Variants in SLC9C1 observed in about 807,000 individuals in gnomAD.
SLC9C1 encodes the protein solute carrier family 9 member C1, also known as sodium/hydrogen exchanger 10.
In SLC9C1, 97 loss-of-function variants were observed where a neutral mutation model predicts 140.9. That is an observed-to-expected ratio of 0.69 (90% CI 0.58 to 0.82). The LOEUF is 0.82. Among genes scored for constraint, SLC9C1 ranks in the 40% least tolerant of loss-of-function variants. SLC9C1 has a pLI of 0.00. For synonymous variants in SLC9C1, 440 were observed against 442.6 expected, an observed-to-expected ratio of 0.99 and a Z score of 0.07; for missense variants, 1,340 against 1,389.3, an observed-to-expected ratio of 0.96 and a Z score of 0.56.
chr3:112,182,814 CATT>C (rs1250593373), intron 20 of SLC9C1, among the ~76,000 whole-genome samples: 2 of 152,182 alleles, frequency 1.3e-5, no homozygotes, highest in African/African-American at 4.8e-5. Context: ...CTTCTATCAT[CATT>C]GTTTAGCTTT....
At chr3:112,266,217 C>G in intron 8 of SLC9C1, 21 bp downstream of exon 8, 2 of 1,517,814 alleles carry the variant, frequency 1.3e-6, no homozygotes, top group Non-Finnish European at 1.8e-6. Context: ...GAAATAAAGT[C>G]AAAATATGCT....
chr3:112,218,758 C>CA (rs1212968320), intron 14 of SLC9C1, among the ~76,000 whole-genome samples: 2 of 151,892 alleles, frequency 1.3e-5, no homozygotes, highest in South Asian at 2.1e-4. Flanking sequence ...TCCCTGGACT[C>CA]AAAAAAATAA....
intron 15 of SLC9C1, 38 bp downstream of exon 15, chr3:112,217,401 TGAA>T: frequency 6.6e-7 from 1 of 1,511,954 alleles, no homozygotes; most frequent in South Asian, 1.4e-5. Flanking sequence ...GAATTTCAAG[TGAA>T]TATAATAGCA....
intron 20 of SLC9C1, chr3:112,186,057 C>T: frequency 8.3e-7 from 1 of 1,201,620 alleles, no homozygotes; most frequent in Non-Finnish European, 1.1e-6. Flanking sequence ...CTGCACAGTG[C>T]ACTTTCAAAT....
chr3:112,157,185 G>GT (rs536489515), intron 26 of SLC9C1, among the ~76,000 whole-genome samples: 2 of 151,694 alleles, frequency 1.3e-5, no homozygotes, highest in African/African-American at 2.4e-5. Context: ...ATTTTGAGTT[G>GT]TTTTTTTCTA....
In SLC9C1 at chr3:112,292,304, G is replaced by A. The variant is rs113273578; in HGVS notation, c.-88+1789C>T. ...ACATTAATAATAATAAAATTACCACGAATCCTGTTTACTCTTAAATTCAGA... is the reference window on the plus strand; with the variant it reads ...ACATTAATAATAATAAAATTACCACAAATCCTGTTTACTCTTAAATTCAGA... On this transcript the variant is annotated intron_variant, in intron 1 of 28. Coordinates refer to ENST00000305815, the MANE Select transcript of SLC9C1 (RefSeq NM_183061.3). 3.6e-3 allele frequency among the ~76,000 whole-genome samples: 545 copies of A among 152,128 alleles called. 2 individuals carry two copies. Among genetic ancestry groups the A allele is most frequent in the African/African-American group, 0.012 (504 of 41,494 alleles).
intron 13 of SLC9C1, among the ~76,000 whole-genome samples, chr3:112,226,347 A>G (rs1342674195): frequency 3.9e-5 from 6 of 152,186 alleles, no homozygotes; most frequent in Admixed American, 3.9e-4. Flanking sequence ...AAAAGTAGAA[A>G]CACAACATAT....
intron 12 of SLC9C1, among the ~76,000 whole-genome samples, chr3:112,234,353 G>A (rs762051937): frequency 7.2e-5 from 11 of 152,134 alleles, no homozygotes; most frequent in Non-Finnish European, 1.3e-4. Flanking sequence ...ATCTCTTTGA[G>A]TTCATTGTAG....
In SLC9C1 at chr3:112,177,700, A is replaced by T. The variant is rs186218510; in HGVS notation, c.2919+1831T>A. 3.8e-3 allele frequency among the ~76,000 whole-genome samples: 574 copies of T among 149,370 alleles called. 4 individuals carry two copies. Among genetic ancestry groups the T allele is most frequent in the Middle Eastern group, 0.014 (4 of 292 alleles). On this transcript the variant is annotated intron_variant, in intron 23 of 28. Transcript: ENST00000305815. ...CATGTACCCCTGTACCTAAAATAAA[A>T]GGATGAAAAAAATTTTTTTTCAAAA...
intron 28 of SLC9C1, among the ~76,000 whole-genome samples, chr3:112,148,184 G>T (rs1050419594): frequency 1.3e-5 from 2 of 151,910 alleles, no homozygotes; most frequent in African/African-American, 4.8e-5. Flanking sequence ...AGGTTTCTTT[G>T]TGTTGATTTC....
intron 26 of SLC9C1, among the ~76,000 whole-genome samples, chr3:112,159,356 A>G (rs370876909): frequency 2.0e-5 from 3 of 151,878 alleles, no homozygotes; most frequent in Non-Finnish European, 2.9e-5. Context: ...GTTTTATCCC[A>G]TTGGGGTCAG....
rs754620568 is a variant in SLC9C1, at chr3:112,169,028, T to C, written c.3086A>G (p.Asn1029Ser). The C allele has an allele frequency of 6.3e-7, 1 of 1,597,072 alleles. No homozygotes were observed. Among genetic ancestry groups the C allele is most frequent in the Middle Eastern group, 1.7e-4 (1 of 5,992 alleles). The change falls in exon 25 of 29, where the codon AAT becomes AGT. Residue 1029 changes from asparagine to serine, a missense_variant. By Grantham distance (46) the Asn-to-Ser change is conservative. Coordinates refer to ENST00000305815, the MANE Select transcript of SLC9C1 (RefSeq NM_183061.3). ...WNYNMQLKLS[N>S]IYVVDIPMST... ...CATTGGTATATCTACTACATAAATA[T>C]TAGAGAGCTTTAGTTGCATATTGTA... is the stretch of plus-strand genomic sequence containing the variant.
At chr3:112,192,145 AT>A (rs2077676420) in intron 20 of SLC9C1, among the ~76,000 whole-genome samples, 1 of 151,802 alleles carries the variant, frequency 6.6e-6, no homozygotes, top group African/African-American at 2.4e-5. Flanking sequence ...GGCTCCCTTC[AT>A]TTTCACTGGT....
chr3:112,185,578 C>T (rs1482619216), intron 20 of SLC9C1: 3 of 1,610,220 alleles, frequency 1.9e-6, no homozygotes, highest in Non-Finnish European at 2.5e-6. Flanking sequence ...GGCACCTGTG[C>T]CCGGGGTCCC....
chr3:112,165,697 A>G (rs555798414), intron 26 of SLC9C1, among the ~76,000 whole-genome samples: 2 of 152,282 alleles, frequency 1.3e-5, no homozygotes, highest in South Asian at 4.2e-4. Flanking sequence ...GGTGCCTCCC[A>G]GTTAGGCTAC....
intron 23 of SLC9C1, among the ~76,000 whole-genome samples, chr3:112,177,921 TAG>T (rs2077370564): frequency 6.6e-6 from 1 of 151,244 alleles, no homozygotes; most frequent in Non-Finnish European, 1.5e-5. Context: ...ATTTTAATGA[TAG>T]AGATATTTTA....
At position 112,215,645 on chromosome 3, in the gene SLC9C1, C is replaced by G. The variant is rs542541602; in HGVS notation, c.1790+1797G>C. Reference sequence around the variant, plus strand: ...ATGAAATACCTAGGAATCCAACTTACAAGGGATGTGAAGGACCTCTTCAAG... The same window carrying G: ...ATGAAATACCTAGGAATCCAACTTAGAAGGGATGTGAAGGACCTCTTCAAG... On this transcript the variant is annotated intron_variant, in intron 15 of 28. Coordinates refer to ENST00000305815, the MANE Select transcript of SLC9C1 (RefSeq NM_183061.3). 9.9e-5 allele frequency among the ~76,000 whole-genome samples: 15 copies of G among 152,214 alleles called. No individual in the cohort carries two copies. In the East Asian group the frequency reaches 2.3e-3, roughly 23 times the overall value.
intron 28 of SLC9C1, chr3:112,147,652 T>G (rs1354259450): frequency 4.0e-6 from 1 of 248,936 alleles, no homozygotes; most frequent in African/African-American, 2.3e-5. Context: ...AGAAATCTGC[T>G]GTTAGCCTCA....
intron 1 of SLC9C1, among the ~76,000 whole-genome samples, chr3:112,291,032 G>A (rs1219053304): frequency 6.6e-6 from 1 of 152,120 alleles, no homozygotes; most frequent in Admixed American, 6.5e-5. Context: ...GGGGCAGTTA[G>A]CCCATTTACT....
Sources: allele counts gnomAD v4.1 joint callset (sites outside exome capture counted in the v4.1 genomes callset), GRCh38; gene constraint gnomAD v4.1.1; transcripts MANE v1.5; gene names NCBI Gene and HGNC (gene_info 2026-07-23, HGNC 2026-07-21).